Variants in CCBE1 observed in about 807,000 individuals in gnomAD.
CCBE1 encodes the protein collagen and calcium binding EGF domains 1, also known as collagen and calcium-binding EGF domain-containing protein 1.
In CCBE1, 37 loss-of-function variants were observed where a neutral mutation model predicts 50.0. The observed-to-expected ratio is 0.74, with a 90% CI of 0.57 to 0.97. The LOEUF is 0.97. CCBE1 is among the 50% of genes least tolerant of loss of function. The probability of loss-of-function intolerance (pLI) is 0.00; values close to 1 mark genes in which losing one functional copy is unlikely to be tolerated. For missense variants in CCBE1, 538 were observed against 523.8 expected, an observed-to-expected ratio of 1.03 and a Z score of -0.26; for synonymous variants, 234 against 203.7, an observed-to-expected ratio of 1.15 and a Z score of -1.27.
intron 2 of CCBE1, among the ~76,000 whole-genome samples, chr18:59,489,427 T>A (rs916202523): frequency 2.0e-5 from 3 of 152,088 alleles, no homozygotes. Flanking sequence ...TTATTTATTT[T>A]TTTTGAGATG....
chr18:59,571,710 G>A (rs887203054), intron 2 of CCBE1, among the ~76,000 whole-genome samples: 2 of 152,152 alleles, frequency 1.3e-5, no homozygotes, highest in African/African-American at 4.8e-5. Flanking sequence ...TGGAAAATCT[G>A]TACATATATG....
chr18:59,659,003 T>A (rs2054246663), intron 2 of CCBE1, among the ~76,000 whole-genome samples: 1 of 150,514 alleles, frequency 6.6e-6, no homozygotes, highest in Non-Finnish European at 1.5e-5. Flanking sequence ...GCTCAACTAA[T>A]CTCCATTTCC....
Position 59,434,491 on chromosome 18 carries a change from C to T in CCBE1, c.*1417G>A, listed in dbSNP as rs933756736. ...AAGGAGCAGATCATCCTTCTGGTCT[C>T]TTGCTCCTGGTGCTTCTGAATCCAC... On this transcript the variant is annotated 3_prime_UTR_variant, in exon 11 of 11. Transcript: ENST00000439986. 6.6e-6 allele frequency: 1 copy of T among 152,218 alleles called. No individual in the cohort carries two copies. The highest frequency in any genetic ancestry group is 1.5e-5 in the Non-Finnish European group (1 of 68,056). The allele number at this position is 152,218 out of a possible 1,614,324, so 9.4% of individuals were successfully genotyped here.
At chr18:59,589,372 C>A (rs151029021) in intron 2 of CCBE1, among the ~76,000 whole-genome samples, 2 of 152,114 alleles carry the variant, frequency 1.3e-5, no homozygotes, top group Non-Finnish European at 2.9e-5. Context: ...TTCTACAAAC[C>A]GTCAAAGACC....
At chr18:59,445,772 A>G (rs1297604199) in intron 7 of CCBE1, among the ~76,000 whole-genome samples, 3 of 152,164 alleles carry the variant, frequency 2.0e-5, no homozygotes, top group Non-Finnish European at 4.4e-5. Context: ...GCCAGAGATA[A>G]TATCTCACCC....
At chr18:59,550,296 A>T (rs1469164411) in intron 2 of CCBE1, among the ~76,000 whole-genome samples, 1 of 152,142 alleles carries the variant, frequency 6.6e-6, no homozygotes, top group Non-Finnish European at 1.5e-5. Context: ...ACACAGCCAT[A>T]CTCATTTGTT....
At chr18:59,687,809 A>T (rs1397547061) in intron 2 of CCBE1, among the ~76,000 whole-genome samples, 1 of 152,136 alleles carries the variant, frequency 6.6e-6, no homozygotes, top group Admixed American at 6.5e-5. Flanking sequence ...AAATACAAAA[A>T]AATTAGCTGG....
chr18:59,543,052 CTCCTCCAAATTTTGGCTT>C (rs1915531368), intron 2 of CCBE1, among the ~76,000 whole-genome samples: 1 of 152,214 alleles, frequency 6.6e-6, no homozygotes, highest in Non-Finnish European at 1.5e-5. Flanking sequence ...AACTTAGATT[CTCCTCCAAATTTTGGCTT>C]CCTTCTCGGG....
intron 2 of CCBE1, among the ~76,000 whole-genome samples, chr18:59,534,967 A>G (rs1915191184): frequency 6.6e-6 from 1 of 152,216 alleles, no homozygotes; most frequent in African/African-American, 2.4e-5. Context: ...CAAATTGAAA[A>G]CTATCATTAC....
At chr18:59,629,013 C>T (rs2053820858) in intron 2 of CCBE1, among the ~76,000 whole-genome samples, 2 of 152,130 alleles carry the variant, frequency 1.3e-5, no homozygotes, top group African/African-American at 4.8e-5. Flanking sequence ...CCATTTATAC[C>T]CTTTTCCCCT....
intron 2 of CCBE1, among the ~76,000 whole-genome samples, chr18:59,534,768 G>A (rs745929954): frequency 2.8e-4 from 42 of 152,154 alleles, no homozygotes; most frequent in Non-Finnish European, 4.7e-4. Flanking sequence ...AGAACTTCTG[G>A]CCCCAGATCT....
chr18:59,684,531 C>T (rs2144736702), intron 2 of CCBE1, among the ~76,000 whole-genome samples: 2 of 152,326 alleles, frequency 1.3e-5, no homozygotes, highest in South Asian at 2.1e-4. Flanking sequence ...ATGTATTAAA[C>T]TCAGGTCACT....
intron 2 of CCBE1, among the ~76,000 whole-genome samples, chr18:59,642,386 TA>T (rs1293320942): frequency 6.6e-6 from 1 of 152,178 alleles, no homozygotes; most frequent in Non-Finnish European, 1.5e-5. Flanking sequence ...AGTGGGAGTG[TA>T]AACTGACACC....
chr18:59,645,858 C>G (rs985745262), intron 2 of CCBE1, among the ~76,000 whole-genome samples: 2 of 152,032 alleles, frequency 1.3e-5, no homozygotes, highest in Non-Finnish European at 2.9e-5. Flanking sequence ...GGTGAAACCC[C>G]GTCTCTGCTA....
chr18:59,608,742 G>A (rs529154194), intron 2 of CCBE1, among the ~76,000 whole-genome samples: 6 of 152,194 alleles, frequency 3.9e-5, no homozygotes, highest in South Asian at 2.1e-4. Context: ...TCTTCTACAC[G>A]GAGTCTTTCC....
At position 59,466,772 on chromosome 18, in the gene CCBE1, A is replaced by AT. The variant is rs1323276923; in HGVS notation, c.519dup (p.Cys174MetfsTer10). ...TTGGGATATTTGTCTCCCCTGGTAC[A>AT]TGTCTTCCCATCATCTTCCCGGATG... On this transcript the variant is annotated frameshift_variant, in exon 5 of 11. Coordinates refer to ENST00000439986, the MANE Select transcript of CCBE1 (RefSeq NM_133459.4). LOFTEE classifies it high-confidence loss of function. 1 of 1,613,496 alleles carries AT rather than the reference A, an allele frequency of 6.2e-7. No individual in the cohort carries two copies. Among genetic ancestry groups the AT allele is most frequent in the Non-Finnish European group, 8.5e-7 (1 of 1,179,890 alleles).
intron 2 of CCBE1, among the ~76,000 whole-genome samples, chr18:59,659,183 G>A (rs546697632): frequency 2.6e-5 from 4 of 152,234 alleles, no homozygotes; most frequent in Admixed American, 1.3e-4. Context: ...AACGTTCTAT[G>A]TAAGTACTGA....
chr18:59,654,304 G>A (rs983216270), intron 2 of CCBE1, among the ~76,000 whole-genome samples: 2 of 152,174 alleles, frequency 1.3e-5, no homozygotes, highest in African/African-American at 2.4e-5. Flanking sequence ...TTGGGCACAC[G>A]CGTATGTGTG....
chr18:59,664,273 G>A (rs2054323051), intron 2 of CCBE1, among the ~76,000 whole-genome samples: 1 of 152,092 alleles, frequency 6.6e-6, no homozygotes, highest in Non-Finnish European at 1.5e-5. Context: ...CACCTTAGAG[G>A]TTAGGTTTCA....
Sources: allele counts gnomAD v4.1 joint callset (sites outside exome capture counted in the v4.1 genomes callset), GRCh38; gene constraint gnomAD v4.1.1; transcripts MANE v1.5; gene names NCBI Gene and HGNC (gene_info 2026-07-23, HGNC 2026-07-21).